Variants in TAF3 observed in about 807,000 individuals in gnomAD.
TAF3 encodes the protein transcription initiation factor TFIID subunit 3.
TAF3 carries 7 observed loss-of-function variants against 80.6 expected under a neutral mutation model. The ratio of observed to expected loss-of-function variants is 0.09; its 90% CI spans 0.05 to 0.16. The LOEUF is 0.16. Among genes scored for constraint, TAF3 ranks in the 10% least tolerant of loss-of-function variants. The probability of loss-of-function intolerance (pLI) is 1.00; values close to 1 mark genes in which losing one functional copy is unlikely to be tolerated. For missense variants in TAF3, 921 were observed against 1,140.2 expected (o/e 0.81, Z 2.77); for synonymous variants, 444 against 446.1 (o/e 1.00, Z 0.06).
chr10:7,839,393 C>G (rs916317309), intron 2 of TAF3, among the ~76,000 whole-genome samples: 5 of 152,306 alleles, frequency 3.3e-5, no homozygotes, highest in East Asian at 3.9e-4. Context: ...AACCTATGGT[C>G]CTGCTACTCT....
intron 2 of TAF3, among the ~76,000 whole-genome samples, chr10:7,894,092 C>CT (rs1201227019): frequency 6.6e-6 from 1 of 152,064 alleles, no homozygotes; most frequent in African/African-American, 2.4e-5. Context: ...TTCTTTTCGC[C>CT]TTTTATATTG....
intron 3 of TAF3, among the ~76,000 whole-genome samples, chr10:7,967,074 C>T (rs1831577852): frequency 6.6e-6 from 1 of 152,198 alleles, no homozygotes; most frequent in African/African-American, 2.4e-5. Context: ...CAGGTATTAT[C>T]ATCGATATTT....
At chr10:7,862,174 C>G (rs900541520) in intron 2 of TAF3, among the ~76,000 whole-genome samples, 3 of 152,132 alleles carry the variant, frequency 2.0e-5, no homozygotes, top group Non-Finnish European at 4.4e-5. Context: ...ATATATTTTC[C>G]TTTATGTTCT....
intron 4 of TAF3, among the ~76,000 whole-genome samples, chr10:8,000,064 A>C (rs952493747): frequency 6.6e-6 from 1 of 152,230 alleles, no homozygotes; most frequent in Non-Finnish European, 1.5e-5. Context: ...GCCATCCTTA[A>C]AAATTCCTAG....
intron 2 of TAF3, among the ~76,000 whole-genome samples, chr10:7,865,108 C>T (rs1837197110): frequency 6.6e-6 from 1 of 151,970 alleles, no homozygotes; most frequent in Non-Finnish European, 1.5e-5. Context: ...TGGGAAGCTT[C>T]AGAGGGAAGT....
intron 2 of TAF3, among the ~76,000 whole-genome samples, chr10:7,912,898 C>A (rs549239486): frequency 6.6e-6 from 1 of 152,180 alleles, no homozygotes; most frequent in Admixed American, 6.5e-5. Context: ...GGTTTTTTGT[C>A]GGTGTCTGCT....
chr10:7,904,610 T>C (rs1324764942), intron 2 of TAF3, among the ~76,000 whole-genome samples: 4 of 152,178 alleles, frequency 2.6e-5, no homozygotes, highest in Admixed American at 2.6e-4. Context: ...AAAGATTTGC[T>C]GATACGTAGA....
At chr10:8,004,276 G>A (rs1342936086) in intron 4 of TAF3, among the ~76,000 whole-genome samples, 3 of 152,012 alleles carry the variant, frequency 2.0e-5, no homozygotes, top group Non-Finnish European at 4.4e-5. Flanking sequence ...AATCACTCCT[G>A]GCCTCAAGCG....
At chr10:7,871,941 A>G (rs185067519) in intron 2 of TAF3, among the ~76,000 whole-genome samples, 141 of 152,364 alleles carry the variant, frequency 9.3e-4, no homozygotes, top group African/African-American at 3.1e-3. Flanking sequence ...GCCAGATGAT[A>G]TATAGTGGGA....
At chr10:7,864,448 A>G (rs1344726437) in intron 2 of TAF3, among the ~76,000 whole-genome samples, 1 of 152,122 alleles carries the variant, frequency 6.6e-6, no homozygotes, top group African/African-American at 2.4e-5. Flanking sequence ...GGCACTTAAC[A>G]TCCACTCTCT....
At chr10:7,936,381 A>G (rs1837920467) in intron 2 of TAF3, among the ~76,000 whole-genome samples, 1 of 152,180 alleles carries the variant, frequency 6.6e-6, no homozygotes, top group African/African-American at 2.4e-5. Flanking sequence ...GATTTCTCTT[A>G]CAGTTTAAAG....
At chr10:7,894,386 T>A (rs1262388394) in intron 2 of TAF3, among the ~76,000 whole-genome samples, 5 of 152,186 alleles carry the variant, frequency 3.3e-5, no homozygotes, top group African/African-American at 1.2e-4. Flanking sequence ...ACTCGTTGCC[T>A]GCATTACGTC....
intron 2 of TAF3, among the ~76,000 whole-genome samples, chr10:7,862,780 A>T (rs912393132): frequency 1.1e-4 from 16 of 152,162 alleles, no homozygotes; most frequent in Admixed American, 9.8e-4. Flanking sequence ...AAATCATGGT[A>T]TGTACTGTTT....
At position 7,927,144 on chromosome 10, in the gene TAF3, T is replaced by C. The variant is rs996952147; in HGVS notation, c.410-36776T>C. 5.3e-5 allele frequency among the ~76,000 whole-genome samples: 8 copies of C among 152,352 alleles called. No homozygotes were observed. In the East Asian group the frequency reaches 1.5e-3, roughly 29 times the overall value. On this transcript the variant is annotated intron_variant, in intron 2 of 6. Coordinates refer to ENST00000344293, the MANE Select transcript of TAF3 (RefSeq NM_031923.4). Reference sequence around the variant, plus strand: ...GGGTCCTCATTCAGAGAACACTTTCTGAGTTAATGTTATATACTCATCTTT... The same window carrying C: ...GGGTCCTCATTCAGAGAACACTTTCCGAGTTAATGTTATATACTCATCTTT...
intron 2 of TAF3, among the ~76,000 whole-genome samples, chr10:7,914,164 G>T (rs1391060836): frequency 6.6e-6 from 1 of 152,168 alleles, no homozygotes; most frequent in Non-Finnish European, 1.5e-5. Context: ...TTTGCTAGGT[G>T]TGATGATGGC....
intron 2 of TAF3, among the ~76,000 whole-genome samples, chr10:7,922,652 G>T (rs1837775386): frequency 6.6e-6 from 1 of 151,972 alleles, no homozygotes; most frequent in South Asian, 2.1e-4. Context: ...TTAAATAATA[G>T]GTTTGTAAAC....
intron 2 of TAF3, among the ~76,000 whole-genome samples, chr10:7,858,823 T>TGC (rs1430991662): frequency 1.5e-5 from 2 of 137,736 alleles, no homozygotes; most frequent in Non-Finnish European, 3.2e-5. Context: ...TGTGTGTGTG[T>TGC]GTGTGCGCGC....
chr10:7,975,571 G>A (rs1014325136), intron 3 of TAF3, among the ~76,000 whole-genome samples: 1 of 152,150 alleles, frequency 6.6e-6, no homozygotes. Context: ...TGGATGTATG[G>A]TGGAATAACT....
At chr10:7,865,308 T>A (rs1379404562) in intron 2 of TAF3, among the ~76,000 whole-genome samples, 1 of 151,738 alleles carries the variant, frequency 6.6e-6, no homozygotes, top group South Asian at 2.1e-4. Flanking sequence ...GAGACAGGGT[T>A]TCTACTAAAA....
Sources: allele counts gnomAD v4.1 joint callset (sites outside exome capture counted in the v4.1 genomes callset), GRCh38; gene constraint gnomAD v4.1.1; transcripts MANE v1.5; gene names NCBI Gene and HGNC (gene_info 2026-07-23, HGNC 2026-07-21).